The following TBL1XR1 variants were observed in gnomAD, a reference collection of about 807,000 sequenced individuals.
TBL1XR1 encodes the protein F-box-like/WD repeat-containing protein TBL1XR1.
In TBL1XR1, 5 loss-of-function variants were observed where a neutral mutation model predicts 66.9. That is an observed-to-expected ratio of 0.07 (90% CI 0.04 to 0.16). The LOEUF (loss-of-function observed/expected upper bound fraction) is 0.16. Ranked by LOEUF, TBL1XR1 falls within the 10% of genes least tolerant of loss-of-function variation. The pLI, the probability that TBL1XR1 is intolerant of heterozygous loss-of-function variation, is 1.00. For synonymous variants in TBL1XR1, 210 were observed against 206.0 expected, an observed-to-expected ratio of 1.02 and a Z score of -0.17; for missense variants, 238 against 623.2, an observed-to-expected ratio of 0.38 and a Z score of 6.58.
At chr3:177,031,162 A>G (rs942309862) in intron 14 of TBL1XR1, among the ~76,000 whole-genome samples, 1 of 152,160 alleles carries the variant, frequency 6.6e-6, no homozygotes, top group Non-Finnish European at 1.5e-5. Context: ...GTGTATGATT[A>G]GTGTCTTCCC....
chr3:177,070,869 A>T (rs528277520), intron 2 of TBL1XR1, among the ~76,000 whole-genome samples: 80 of 151,970 alleles, frequency 5.3e-4, no homozygotes, highest in Non-Finnish European at 1.0e-3. Context: ...ATAAATAAAT[A>T]AAAATAAACT....
chr3:177,187,641 AAG>A (rs1177133583), intron 1 of TBL1XR1, among the ~76,000 whole-genome samples: 1 of 152,134 alleles, frequency 6.6e-6, no homozygotes, highest in Non-Finnish European at 1.5e-5. Context: ...GATGCAAACT[AAG>A]AACAAAAAAC....
chr3:177,051,510 T>C lies in TBL1XR1; in HGVS notation c.421A>G (p.Ile141Val). 1.2e-6 allele frequency: 2 copies of C among 1,603,450 alleles called. No homozygotes were observed. The highest frequency in any genetic ancestry group is 1.7e-6 in the Non-Finnish European group (2 of 1,176,622). Residue 141 changes from isoleucine (I) to valine (V), a missense_variant, in exon 5 of 16, where the codon ATA (isoleucine) becomes GTA (valine). Physicochemically the swap from Ile to Val is conservative, Grantham distance 29 (BLOSUM62 3). This residue lies in a region of TBL1XR1 where 80 missense variants were observed against 100.5 expected (regional missense o/e 0.80). Coordinates refer to ENST00000457928, the MANE Select transcript of TBL1XR1 (RefSeq NM_024665.7). ...ANGEENGAHTIANNHTDMMEV... is the reference protein window; with the variant it reads ...ANGEENGAHTVANNHTDMMEV... ...AATTCTTGTCTGAGCTCACTTGCTA[T>C]AGTATGTGCTCCATTCTCCTCCCCA...
intron 9 of TBL1XR1, 104 bp downstream of exon 9, chr3:177,047,196 T>C (rs1716443532): frequency 1.1e-6 from 1 of 934,816 alleles, no homozygotes; most frequent in Admixed American, 2.8e-5. Context: ...CCTATGTGAA[T>C]TTCCCAAATA....
chr3:177,053,103 C>CACAAA lies in TBL1XR1; in HGVS notation c.204+665_204+669dup, dbSNP rs549067290. Reference sequence around the variant, plus strand: ...GGCAACAGAGCGAGATTCCGTCACACACAAAACAAAACAAAACAAAAAACA... The same window carrying CACAAA: ...GGCAACAGAGCGAGATTCCGTCACACACAAAACAAAACAAAACAAAACAAAAAACA... On this transcript the variant is annotated intron_variant, in intron 4 of 15. Transcript: ENST00000457928. 1.6e-3 allele frequency among the ~76,000 whole-genome samples: 249 copies of CACAAA among 152,204 alleles called. 1 individual carries two copies. The highest frequency in any genetic ancestry group is 7.3e-3 in the South Asian group (35 of 4,816).
At position 177,022,916 on chromosome 3, in the gene TBL1XR1, A is replaced by G. The variant is rs1411062874; in HGVS notation, c.*2582T>C. ...CAAAATGGATACCTTTCAGAAAAGT[A>G]TATACTTAAAAGACCCAAGACGTCA... On this transcript the variant is annotated 3_prime_UTR_variant, in exon 16 of 16. Coordinates refer to ENST00000457928, the MANE Select transcript of TBL1XR1 (RefSeq NM_024665.7). 6.6e-6 allele frequency: 1 copy of G among 152,448 alleles called. No individual in the cohort carries two copies. The highest frequency in any genetic ancestry group is 1.5e-5 in the Non-Finnish European group (1 of 67,960). 9.4% of individuals were successfully genotyped at this position (152,448 alleles called of 1,614,324 possible). A position where few individuals can be genotyped will look rare whatever the true frequency, so the allele number is the denominator to read the frequency against.
chr3:177,032,761 T>C, intron 14 of TBL1XR1: 2 of 335,780 alleles, frequency 6.0e-6, no homozygotes, highest in Admixed American at 5.9e-5. Flanking sequence ...AAGAATACAA[T>C]AATAAATAAT....
chr3:177,137,700 C>T (rs987203082), intron 1 of TBL1XR1, among the ~76,000 whole-genome samples: 3 of 151,642 alleles, frequency 2.0e-5, no homozygotes, highest in South Asian at 4.2e-4. Flanking sequence ...CCAGGGTCCT[C>T]GGCTCAGGCC....
intron 1 of TBL1XR1, among the ~76,000 whole-genome samples, chr3:177,111,710 G>A (rs557051332): frequency 3.2e-4 from 49 of 152,192 alleles, no homozygotes; most frequent in African/African-American, 1.1e-3. Context: ...TGCAGTTCAC[G>A]TGTCAGGAAT....
intron 2 of TBL1XR1, among the ~76,000 whole-genome samples, chr3:177,068,224 T>C (rs1719419380): frequency 6.6e-6 from 1 of 152,234 alleles, no homozygotes; most frequent in South Asian, 2.1e-4. Flanking sequence ...CATTCTTAAA[T>C]ATTAACTGAG....
intron 1 of TBL1XR1, among the ~76,000 whole-genome samples, chr3:177,165,934 C>CA (rs57743908): frequency 0.5 from 75,729 of 151,812 alleles, 19,722 homozygotes; most frequent in Non-Finnish European, 0.57. Flanking sequence ...GTTATCTCCA[C>CA]AAAAAATTAG....
chr3:177,074,972 C>G (rs9827927), intron 2 of TBL1XR1, among the ~76,000 whole-genome samples: 50,413 of 151,970 alleles, frequency 0.33, 8,832 homozygotes, highest in East Asian at 0.58. Flanking sequence ...TGATGTAAGA[C>G]AACAGCCCCA....
intron 3 of TBL1XR1, among the ~76,000 whole-genome samples, chr3:177,056,301 T>C (rs1245916183): frequency 1.3e-5 from 2 of 152,134 alleles, no homozygotes; most frequent in African/African-American, 4.8e-5. Flanking sequence ...GCTTATAGAG[T>C]TTAAGTTTAA....
intron 12 of TBL1XR1, among the ~76,000 whole-genome samples, chr3:177,036,420 T>A (rs1040476146): frequency 2.6e-5 from 4 of 152,208 alleles, no homozygotes; most frequent in African/African-American, 9.7e-5. Flanking sequence ...TATCCATCCA[T>A]CCTAGTTTTT....
intron 1 of TBL1XR1, among the ~76,000 whole-genome samples, chr3:177,179,883 T>A (rs1734600847): frequency 1.3e-5 from 2 of 152,070 alleles, no homozygotes; most frequent in South Asian, 4.1e-4. Flanking sequence ...GCAGCTAGAT[T>A]CACCAGCATA....
chr3:177,117,251 G>A (rs1414866969), intron 1 of TBL1XR1, among the ~76,000 whole-genome samples: 1 of 152,116 alleles, frequency 6.6e-6, no homozygotes, highest in Non-Finnish European at 1.5e-5. Context: ...TATTATTCCT[G>A]TTCCCTGTCT....
At chr3:177,045,682 T>C (rs1001060691) in intron 10 of TBL1XR1, among the ~76,000 whole-genome samples, 1 of 151,898 alleles carries the variant, frequency 6.6e-6, no homozygotes, top group African/African-American at 2.4e-5. Flanking sequence ...CTTATAGGAG[T>C]CTATACAGTA....
chr3:177,099,756 C>T (rs1214509226), intron 1 of TBL1XR1, among the ~76,000 whole-genome samples: 2 of 152,182 alleles, frequency 1.3e-5, no homozygotes, highest in East Asian at 3.9e-4. Flanking sequence ...CTCTGTTTAC[C>T]TCAAGGTCAT....
chr3:177,152,911 T>C (rs1399841028), intron 1 of TBL1XR1, among the ~76,000 whole-genome samples: 1 of 152,112 alleles, frequency 6.6e-6, no homozygotes, highest in Non-Finnish European at 1.5e-5. Context: ...AACCACACTG[T>C]TTGTGGATCA....
Sources: gnomAD v4.1 joint callset for allele counts (sites outside exome capture counted in the v4.1 genomes callset) on GRCh38, gnomAD v4.1.1 for gene constraint, gnomAD v4.1.1 regional missense constraint, MANE v1.5 for transcripts, NCBI Gene and HGNC (gene_info 2026-07-23, HGNC 2026-07-21) for gene names.